Variants in PHACTR2 observed in about 807,000 individuals in gnomAD.
PHACTR2 encodes the protein chromosome 6 open reading frame 56.
In PHACTR2, 30 loss-of-function variants were observed where a neutral mutation model predicts 76.0. That is an observed-to-expected ratio of 0.39 (90% CI 0.30 to 0.54). The LOEUF is 0.54. PHACTR2 is among the 20% of genes least tolerant of loss of function. PHACTR2 has a pLI of 0.61. For synonymous variants in PHACTR2, 292 were observed against 292.5 expected, an observed-to-expected ratio of 1.00 and a Z score of 0.02; for missense variants, 696 against 781.1, an observed-to-expected ratio of 0.89 and a Z score of 1.30.
chr6:143,587,927 T>G (rs1206422108), intron 1 of PHACTR2, among the ~76,000 whole-genome samples: 2 of 151,962 alleles, frequency 1.3e-5, no homozygotes, highest in Non-Finnish European at 2.9e-5. Flanking sequence ...GCAAAAGAAT[T>G]GCTTGAGTTC....
chr6:143,697,819 C>A lies in PHACTR2; in HGVS notation c.47-14197C>A, dbSNP rs2024693. On this transcript the variant is annotated intron_variant, in intron 1 of 12. Coordinates refer to ENST00000440869, the MANE Select transcript of PHACTR2 (RefSeq NM_001100164.2). This position sits in a 1 kb window ranked among gnomAD's most constrained non-coding sequence, Gnocchi z 4.4. ...TTCTTTTTGTAAATATTTTTAGGGA[C>A]CTTTTTGTGGCCTAAGTACAGTATA... is the stretch of plus-strand genomic sequence containing the variant. Among the ~76,000 whole-genome samples, 6 of 151,788 alleles carry A rather than the reference C, an allele frequency of 4.0e-5. No homozygotes were observed. The highest frequency in any genetic ancestry group is 3.9e-4 in the East Asian group (2 of 5,186).
chr6:143,815,632 C>T (rs2128485833), intron 12 of PHACTR2, among the ~76,000 whole-genome samples: 1 of 152,138 alleles, frequency 6.6e-6, no homozygotes, highest in South Asian at 2.1e-4. Context: ...GTGGCTCATG[C>T]CTGTAATCCC....
chr6:143,612,526 T>C (rs1486241003), intron 1 of PHACTR2, among the ~76,000 whole-genome samples: 2 of 152,236 alleles, frequency 1.3e-5, no homozygotes, highest in East Asian at 3.8e-4. Context: ...TTTCCTCTAA[T>C]CCTCCACTTT....
chr6:143,703,363 G>A (rs997242847), intron 1 of PHACTR2, among the ~76,000 whole-genome samples: 5 of 151,940 alleles, frequency 3.3e-5, no homozygotes, highest in East Asian at 1.9e-4. Flanking sequence ...TGTATGCCTC[G>A]AAAAAATCTT....
Position 143,696,200 on chromosome 6 carries a change from A to G in PHACTR2, c.47-15816A>G, listed in dbSNP as rs1272654209. ...TTCCTTAATCCAGGGCATTTCTGCT[A>G]TAGAGTAGTGGGGATTTCCCTCGAG... On this transcript the variant is annotated intron_variant, in intron 1 of 12. Transcript: ENST00000440869. The surrounding 1 kb of genome is among the most constrained non-coding windows in gnomAD (Gnocchi z 4.1). 3.9e-5 allele frequency among the ~76,000 whole-genome samples: 6 copies of G among 152,154 alleles called. No individual in the cohort carries two copies. The highest frequency in any genetic ancestry group is 8.8e-5 in the Non-Finnish European group (6 of 68,026).
chr6:143,642,526 A>G (rs564404894), intron 1 of PHACTR2, among the ~76,000 whole-genome samples: 122 of 152,216 alleles, frequency 8.0e-4, no homozygotes, highest in Middle Eastern at 3.2e-3. Flanking sequence ...GTGTCCCTAC[A>G]GCCTTGCATG....
Position 143,754,377 on chromosome 6 carries a change from C to T in PHACTR2, c.454+465C>T, listed in dbSNP as rs1447315658. Among the ~76,000 whole-genome samples, 1 of 152,314 alleles carries T rather than the reference C, an allele frequency of 6.6e-6. No homozygotes were observed. Among genetic ancestry groups the T allele is most frequent in the South Asian group, 2.1e-4 (1 of 4,824 alleles). ...CAGTGGGAACTTGGCAGGTGGCATC[C>T]ACATATCCAGCATCATAGGTTCCAG... On this transcript the variant is annotated intron_variant, in intron 4 of 12. Coordinates refer to ENST00000440869, the MANE Select transcript of PHACTR2 (RefSeq NM_001100164.2). This position sits in a 1 kb window ranked among gnomAD's most constrained non-coding sequence, Gnocchi z 6.2.
intron 1 of PHACTR2, among the ~76,000 whole-genome samples, chr6:143,631,368 A>T (rs903695851): frequency 9.2e-5 from 14 of 151,778 alleles, no homozygotes; most frequent in East Asian, 7.7e-4. Context: ...TTTAAAAAAA[A>T]TTTTTTTTAG....
chr6:143,766,865 G>A (rs1326471549), intron 6 of PHACTR2, among the ~76,000 whole-genome samples: 1 of 152,186 alleles, frequency 6.6e-6, no homozygotes, highest in African/African-American at 2.4e-5. Context: ...GGCTGTCAGA[G>A]TATAGTAGAC....
At position 143,820,589 on chromosome 6, in the gene PHACTR2, A is replaced by AC. The variant is rs1470780373; in HGVS notation, c.1923-3081dup. On this transcript the variant is annotated intron_variant, in intron 12 of 12. Transcript: ENST00000440869. This position sits in a 1 kb window ranked among gnomAD's most constrained non-coding sequence, Gnocchi z 4.2. ...TACTCTGGTGTAAGTGGGCAGCTCTACCCCTGTGGATTTGCAAGGTGCAGC... is the reference window on the plus strand; with the variant it reads ...TACTCTGGTGTAAGTGGGCAGCTCTACCCCCTGTGGATTTGCAAGGTGCAGC... Among the ~76,000 whole-genome samples the AC allele has an allele frequency of 6.6e-6, 1 of 152,152 alleles. No individual in the cohort carries two copies. Among genetic ancestry groups the AC allele is most frequent in the Non-Finnish European group, 1.5e-5 (1 of 68,032 alleles).
intron 1 of PHACTR2, among the ~76,000 whole-genome samples, chr6:143,632,442 T>C (rs1776377666): frequency 6.6e-6 from 1 of 152,192 alleles, no homozygotes; most frequent in Admixed American, 6.5e-5. Context: ...GTTAATGAAC[T>C]TTGTTTTTTA....
intron 2 of PHACTR2, among the ~76,000 whole-genome samples, chr6:143,746,691 T>C (rs1179023841): frequency 6.6e-6 from 1 of 152,162 alleles, no homozygotes; most frequent in African/African-American, 2.4e-5. Context: ...ACCTGCAAAA[T>C]CCCAGCAGTG....
rs1001246680 is a variant in PHACTR2 at position 143,811,828 on chromosome 6, T to C, written c.1922+4695T>C. On this transcript the variant is annotated intron_variant, in intron 12 of 12. Coordinates refer to ENST00000440869, the MANE Select transcript of PHACTR2 (RefSeq NM_001100164.2). The surrounding 1 kb of genome is among the most constrained non-coding windows in gnomAD (Gnocchi z 4.1). ...TTCTGGTAATCACTACTCTTTCTAA[T>C]AAAAATAATACAAAAACATGATCCA... is the stretch of plus-strand genomic sequence containing the variant. Among the ~76,000 whole-genome samples, 1 of 152,148 alleles carries C rather than the reference T, an allele frequency of 6.6e-6. No homozygotes were observed. Among genetic ancestry groups the C allele is most frequent in the Non-Finnish European group, 1.5e-5 (1 of 68,008 alleles).
Position 143,712,176 on chromosome 6 carries a change from C to T in PHACTR2, c.207C>T (p.Thr69=). The T allele has an allele frequency of 6.6e-7, 1 of 1,525,234 alleles. No individual in the cohort carries two copies. The highest frequency in any genetic ancestry group is 8.8e-7 in the Non-Finnish European group (1 of 1,140,276). The allele number at this position is 1,525,234 out of a possible 1,614,324, so 94.5% of individuals were successfully genotyped here. The change falls in exon 2 of 13, where the codon ACC becomes ACT. Residue 69 remains threonine (T), a synonymous_variant. Transcript: ENST00000440869. ...KKKTSDKFRE[T]SAVLERKIST... Reference sequence around the variant, plus strand: ...AGACCAGCGACAAATTTAGAGAAACCTCGGCAGGTATGAGTATCATAACTT... The same window carrying T: ...AGACCAGCGACAAATTTAGAGAAACTTCGGCAGGTATGAGTATCATAACTT...
In PHACTR2 at chr6:143,697,439, G is replaced by T. The variant is rs182332050; in HGVS notation, c.47-14577G>T. ...CACCACTCATCACCGGGTGAAAATA[G>T]AAACTTCTTAAAAGACAATTTCACA... On this transcript the variant is annotated intron_variant, in intron 1 of 12. Transcript: ENST00000440869. The surrounding 1 kb of genome is among the most constrained non-coding windows in gnomAD (Gnocchi z 4.4). Among the ~76,000 whole-genome samples, 1 of 152,178 alleles carries T rather than the reference G, an allele frequency of 6.6e-6. No individual in the cohort carries two copies. The highest frequency in any genetic ancestry group is 1.5e-5 in the Non-Finnish European group (1 of 68,016).
intron 7 of PHACTR2, among the ~76,000 whole-genome samples, chr6:143,773,285 G>A (rs1356261804): frequency 6.6e-6 from 1 of 152,020 alleles, no homozygotes; most frequent in Non-Finnish European, 1.5e-5. Context: ...CAATAAGTAA[G>A]ATAGTAGGCC....
chr6:143,818,941 T>C lies in PHACTR2; in HGVS notation c.1923-4733T>C, dbSNP rs1315763554. ...TCAGTTACTCTTTGAAATATTTTTA[T>C]AGAACTTCCATATTTTGCTTCAGGT... On this transcript the variant is annotated intron_variant, in intron 12 of 12. Transcript: ENST00000440869. This position sits in a 1 kb window ranked among gnomAD's most constrained non-coding sequence, Gnocchi z 4.9. Among the ~76,000 whole-genome samples the C allele has an allele frequency of 2.0e-5, 3 of 152,254 alleles. No homozygotes were observed. The East Asian group carries it at 5.8e-4, about 29-fold the overall frequency.
rs1308683821 is a variant in PHACTR2 at position 143,581,441 on chromosome 6, G to A, written c.217+44234G>A. 1.3e-5 allele frequency among the ~76,000 whole-genome samples: 2 copies of A among 152,112 alleles called. No homozygotes were observed. The highest frequency in any genetic ancestry group is 6.5e-5 in the Admixed American group (1 of 15,272). On this transcript the variant is annotated intron_variant, in intron 1 of 11. Transcript: ENST00000367584. This position sits in a 1 kb window ranked among gnomAD's most constrained non-coding sequence, Gnocchi z 4.5. ...ACCAGTCAGGCATGATCTCGGAGAG[G>A]GCGCTTGTTTGGGGGTTACTCAGTG...
rs1262702654 is a variant in PHACTR2, at chr6:143,618,017, A to G, written c.13+9695A>G. 6.6e-6 allele frequency among the ~76,000 whole-genome samples: 1 copy of G among 152,198 alleles called. No individual in the cohort carries two copies. The highest frequency in any genetic ancestry group is 1.5e-5 in the Non-Finnish European group (1 of 68,028). On this transcript the variant is annotated intron_variant, in intron 1 of 11. Coordinates refer to the PHACTR2 transcript ENST00000305766. The surrounding 1 kb of genome is among the most constrained non-coding windows in gnomAD (Gnocchi z 5.2). ...AGAGACTACATGTGAAATTTAACTA[A>G]AAAGAGATGTTAAACATCTCTTGTC...
Sources: allele counts gnomAD v4.1 joint callset (sites outside exome capture counted in the v4.1 genomes callset), GRCh38; gene constraint gnomAD v4.1.1; non-coding constraint Gnocchi (gnomAD v3.1); transcripts MANE v1.5; gene names NCBI Gene and HGNC (gene_info 2026-07-23, HGNC 2026-07-21).